The following KCNU1 variants were observed in gnomAD, a reference collection of about 807,000 sequenced individuals.
The protein encoded by KCNU1 is potassium calcium-activated channel subfamily U member 1, also known as potassium channel subfamily U member 1.
In KCNU1, 93 loss-of-function variants were observed where a neutral mutation model predicts 126.8. The ratio of observed to expected loss-of-function variants is 0.73; its 90% CI spans 0.62 to 0.87. The LOEUF (loss-of-function observed/expected upper bound fraction) is 0.87. Among genes scored for constraint, KCNU1 ranks in the 40% least tolerant of loss-of-function variants. KCNU1 has a pLI of 0.00. For missense variants in KCNU1, 1,330 were observed against 1,367.1 expected (o/e 0.97, Z 0.43); for synonymous variants, 523 against 494.2 (o/e 1.06, Z -0.77).
At chr8:36,785,497 A>G (rs1487214913) in intron 1 of KCNU1, among the ~76,000 whole-genome samples, 1 of 152,246 alleles carries the variant, frequency 6.6e-6, no homozygotes, top group Non-Finnish European at 1.5e-5. Context: ...TCATAAATTG[A>G]TAAGTTTTTA....
At chr8:36,891,239 A>G (rs1806951043) in intron 19 of KCNU1, among the ~76,000 whole-genome samples, 1 of 151,998 alleles carries the variant, frequency 6.6e-6, no homozygotes, top group Non-Finnish European at 1.5e-5. Flanking sequence ...ATTACAATTA[A>G]CACCTTATAG....
At chr8:36,905,630 T>C in intron 19 of KCNU1, 78 bp from the exon 20 acceptor site, 3 of 810,078 alleles carry the variant, frequency 3.7e-6, no homozygotes, top group Non-Finnish European at 6.7e-6. Flanking sequence ...CTCAAGGCTC[T>C]AATGAGTTTT....
At chr8:36,827,072 T>A (rs138625005) in intron 10 of KCNU1, among the ~76,000 whole-genome samples, 8 of 152,322 alleles carry the variant, frequency 5.3e-5, no homozygotes, top group Non-Finnish European at 8.8e-5. Flanking sequence ...TCTTACATTA[T>A]GCACTGATTC....
At chr8:36,838,303 A>C (rs1804827313) in intron 14 of KCNU1, among the ~76,000 whole-genome samples, 1 of 152,256 alleles carries the variant, frequency 6.6e-6, no homozygotes, top group African/African-American at 2.4e-5. Context: ...GTAAATGGAA[A>C]TAAATGGAAT....
chr8:36,850,354 G>T (rs1007045971), intron 18 of KCNU1, among the ~76,000 whole-genome samples: 1 of 151,726 alleles, frequency 6.6e-6, no homozygotes, highest in Non-Finnish European at 1.5e-5. Context: ...TTGTGCTTTT[G>T]TGCAATATCT....
At chr8:36,842,598 A>AT (rs530977687) in intron 16 of KCNU1, among the ~76,000 whole-genome samples, 75 of 152,334 alleles carry the variant, frequency 4.9e-4, no homozygotes, top group African/African-American at 1.6e-3. Context: ...CTGGCCCAAA[A>AT]TTTTATCAAG....
intron 10 of KCNU1, among the ~76,000 whole-genome samples, chr8:36,829,735 C>G (rs1403446840): frequency 6.6e-6 from 1 of 151,290 alleles, no homozygotes; most frequent in Non-Finnish European, 1.5e-5. Context: ...GCTACAAACT[C>G]TTTCCAACTT....
At chr8:36,828,751 T>G (rs1804417021) in intron 10 of KCNU1, among the ~76,000 whole-genome samples, 1 of 152,128 alleles carries the variant, frequency 6.6e-6, no homozygotes, top group Non-Finnish European at 1.5e-5. Context: ...TGTTTCTGTG[T>G]GCATGTTTAT....
At chr8:36,821,899 T>A (rs1043952128) in intron 10 of KCNU1, among the ~76,000 whole-genome samples, 4 of 152,150 alleles carry the variant, frequency 2.6e-5, no homozygotes, top group Admixed American at 6.6e-5. Context: ...GTTCTGAGCA[T>A]CTTTGAGGTA....
rs545851801 is a variant in KCNU1 at position 36,791,056 on chromosome 8, G to A, written c.315+3631G>A. 3.6e-4 allele frequency among the ~76,000 whole-genome samples: 55 copies of A among 151,282 alleles called. 1 individual carries two copies. In the South Asian group the frequency reaches 0.011, roughly 31 times the overall value. The stretch of plus-strand genomic sequence containing the variant: ...AAAGAGGAAGTAGGAACGTGAGAAG[G>A]GAACTCCAACAGTCAAATAAAAAGA... On this transcript the variant is annotated intron_variant, in intron 2 of 26. Transcript: ENST00000399881.
chr8:36,856,503 G>A (rs1235351466), intron 18 of KCNU1, among the ~76,000 whole-genome samples: 1 of 152,182 alleles, frequency 6.6e-6, no homozygotes, highest in Non-Finnish European at 1.5e-5. Flanking sequence ...TTTCCCCTAA[G>A]TTTGAAGCTT....
At chr8:36,893,508 C>A (rs969580103) in intron 19 of KCNU1, among the ~76,000 whole-genome samples, 1 of 151,986 alleles carries the variant, frequency 6.6e-6, no homozygotes. Context: ...CAAATAGTAA[C>A]ATATTCTGTG....
chr8:36,823,239 A>G (rs114008141), intron 10 of KCNU1, among the ~76,000 whole-genome samples: 243 of 152,300 alleles, frequency 1.6e-3, no homozygotes, highest in African/African-American at 5.3e-3. Context: ...TACACATCAA[A>G]AGTAAAATAC....
chr8:36,788,682 C>T (rs976181931), intron 2 of KCNU1, among the ~76,000 whole-genome samples: 3 of 152,168 alleles, frequency 2.0e-5, no homozygotes, highest in Non-Finnish European at 2.9e-5. Context: ...AAATGTGCCT[C>T]TCCTTTTTCT....
intron 19 of KCNU1, among the ~76,000 whole-genome samples, chr8:36,873,114 C>A (rs1006566465): frequency 1.3e-5 from 2 of 152,076 alleles, no homozygotes; most frequent in East Asian, 1.9e-4. Flanking sequence ...AAACAAAAAA[C>A]CCCAACAATT....
In KCNU1 at chr8:36,787,212, G is replaced by A. The variant is rs1802737061; in HGVS notation, c.196-94G>A. On this transcript the variant is annotated intron_variant, in intron 1 of 26. Coordinates refer to ENST00000399881, the MANE Select transcript of KCNU1 (RefSeq NM_001031836.3). ...GGACAAGGTGGAGTGATTTTCGACTGATACCATCACAAGAGGCTCCATCAA... is the reference window on the plus strand; with the variant it reads ...GGACAAGGTGGAGTGATTTTCGACTAATACCATCACAAGAGGCTCCATCAA... 2.6e-6 allele frequency: 3 copies of A among 1,135,942 alleles called. No individual in the cohort carries two copies. The South Asian group carries it at 6.1e-5, about 23-fold the overall frequency. The allele number at this position is 1,135,942 out of a possible 1,614,324, so 70.4% of individuals were successfully genotyped here.
At chr8:36,789,792 T>C (rs16885400) in intron 2 of KCNU1, among the ~76,000 whole-genome samples, 25,375 of 152,116 alleles carry the variant, frequency 0.17, 2,269 homozygotes, top group Admixed American at 0.29. Flanking sequence ...AATAAAGCAA[T>C]TGAAGAATTA....
At chr8:36,864,314 G>A in intron 18 of KCNU1, 90 bp from the exon 19 acceptor site, 1 of 807,576 alleles carries the variant, frequency 1.2e-6, no homozygotes, top group African/African-American at 1.7e-5. Context: ...CCCTAGTCAA[G>A]GGTCTATAAA....
intron 9 of KCNU1, among the ~76,000 whole-genome samples, chr8:36,817,394 G>A (rs1253206450): frequency 6.6e-6 from 1 of 151,070 alleles, no homozygotes; most frequent in African/African-American, 2.4e-5. Context: ...AGCTACTTGG[G>A]AGGCTGAGGC....
Sources: allele counts gnomAD v4.1 joint callset (sites outside exome capture counted in the v4.1 genomes callset), GRCh38; gene constraint gnomAD v4.1.1; transcripts MANE v1.5; gene names NCBI Gene and HGNC (gene_info 2026-07-23, HGNC 2026-07-21).